SAMD4A: variants seen among roughly 807,000 people sequenced by gnomAD.
The protein encoded by SAMD4A is protein Smaug homolog 1.
SAMD4A carries 33 observed loss-of-function variants against 81.3 expected under a neutral mutation model. The observed-to-expected ratio is 0.41, with a 90% CI of 0.31 to 0.54. The LOEUF is 0.54. Ranked by LOEUF, SAMD4A falls within the 20% of genes least tolerant of loss-of-function variation. The probability of loss-of-function intolerance (pLI) is 0.37; values close to 1 mark genes in which losing one functional copy is unlikely to be tolerated. For synonymous variants in SAMD4A, 389 were observed against 382.1 expected (o/e 1.02, Z -0.21); for missense variants, 854 against 951.1 (o/e 0.90, Z 1.34).
chr14:54,730,333 C>G (rs2037530736), intron 3 of SAMD4A, among the ~76,000 whole-genome samples: 1 of 152,168 alleles, frequency 6.6e-6, no homozygotes, highest in Admixed American at 6.5e-5. Context: ...TTGTGATGTT[C>G]TTTGCAGCTT....
intron 2 of SAMD4A, among the ~76,000 whole-genome samples, chr14:54,656,854 G>A (rs1257296872): frequency 2.0e-5 from 3 of 152,062 alleles, no homozygotes; most frequent in Admixed American, 6.5e-5. Context: ...TGATCCACCC[G>A]CTTTGGCCTC....
chr14:54,734,647 G>A (rs1255037012), intron 3 of SAMD4A, among the ~76,000 whole-genome samples: 2 of 152,136 alleles, frequency 1.3e-5, no homozygotes, highest in Non-Finnish European at 2.9e-5. Context: ...GAAGTCCTTG[G>A]ATAACTGACA....
chr14:54,651,093 G>C (rs1417519439), intron 2 of SAMD4A, among the ~76,000 whole-genome samples: 4 of 152,164 alleles, frequency 2.6e-5, no homozygotes, highest in African/African-American at 9.7e-5. Flanking sequence ...CCTGGTGATA[G>C]TGAGGAACTG....
At chr14:54,652,635 T>C (rs543437352) in intron 2 of SAMD4A, 12 of 152,280 alleles carry the variant, frequency 7.9e-5, no homozygotes, top group African/African-American at 2.6e-4. Flanking sequence ...CTGGATAGCC[T>C]CACCCAGAAT....
chr14:54,588,746 T>G (rs900600586), intron 2 of SAMD4A, among the ~76,000 whole-genome samples: 1 of 152,196 alleles, frequency 6.6e-6, no homozygotes, highest in Non-Finnish European at 1.5e-5. Context: ...CTGTCTCCTT[T>G]TCCATGAGAA....
At chr14:54,619,762 T>G (rs1429958843) in intron 2 of SAMD4A, among the ~76,000 whole-genome samples, 4 of 152,160 alleles carry the variant, frequency 2.6e-5, no homozygotes, top group African/African-American at 9.7e-5. Flanking sequence ...GTTCCTGCTT[T>G]CGTTTGCTAA....
chr14:54,645,972 AAACT>A (rs1438798674), intron 2 of SAMD4A, among the ~76,000 whole-genome samples: 3 of 152,274 alleles, frequency 2.0e-5, no homozygotes, highest in Non-Finnish European at 4.4e-5. Flanking sequence ...AGGCTTTCCT[AAACT>A]AACTGCAATA....
chr14:54,687,175 TG>T (rs2036294765), intron 2 of SAMD4A: 1 of 357,502 alleles, frequency 2.8e-6, no homozygotes, highest in African/African-American at 2.1e-5. Context: ...TGATGACCTT[TG>T]TTTTTTAGAT....
chr14:54,586,967 G>A (rs1404203290), intron 2 of SAMD4A, among the ~76,000 whole-genome samples: 1 of 151,990 alleles, frequency 6.6e-6, no homozygotes, highest in South Asian at 2.1e-4. Context: ...TGTGAAGAAC[G>A]ATGGTGGTAT....
intron 8 of SAMD4A, 75 bp from the exon 9 acceptor site, chr14:54,770,029 C>A: frequency 1.1e-6 from 1 of 913,648 alleles, no homozygotes; most frequent in Non-Finnish European, 1.8e-6. Context: ...CAATGTTTTC[C>A]CCTTATTAAT....
In SAMD4A at chr14:54,581,655, T is replaced by G. The variant is rs544577670; in HGVS notation, c.196+13543T>G. ...GTATTGTGACCTCTGTATCCCTGCC[T>G]GTAAAGATTCCAGTATGAGTGGTCA... On this transcript the variant is annotated intron_variant, in intron 2 of 12. Coordinates refer to ENST00000554335, the MANE Select transcript of SAMD4A (RefSeq NM_015589.6). Among the ~76,000 whole-genome samples, 217 of 152,356 alleles carry G rather than the reference T, an allele frequency of 1.4e-3. 4 individuals carry two copies. In the South Asian group the frequency reaches 0.027, roughly 19 times the overall value.
At chr14:54,737,529 T>C (rs1041089314) in intron 4 of SAMD4A, among the ~76,000 whole-genome samples, 1 of 129,314 alleles carries the variant, frequency 7.7e-6, no homozygotes, top group African/African-American at 2.9e-5. Flanking sequence ...GTCAACCCAC[T>C]CTCTCTCTCT....
At chr14:54,694,491 G>C (rs545031539) in intron 2 of SAMD4A, 1 of 295,090 alleles carries the variant, frequency 3.4e-6, no homozygotes, top group Admixed American at 6.5e-5. Flanking sequence ...GTGAGAGCAA[G>C]AGTTGGGTTG....
At chr14:54,730,822 C>T (rs1293130190) in intron 3 of SAMD4A, among the ~76,000 whole-genome samples, 1 of 152,080 alleles carries the variant, frequency 6.6e-6, no homozygotes, top group Non-Finnish European at 1.5e-5. Context: ...AAAATGTATT[C>T]TTGAAGTACT....
At chr14:54,659,860 C>T (rs1372816380) in intron 2 of SAMD4A, among the ~76,000 whole-genome samples, 2 of 152,108 alleles carry the variant, frequency 1.3e-5, no homozygotes, top group African/African-American at 4.8e-5. Flanking sequence ...TGGCCTATGG[C>T]CTGATGTCCT....
intron 9 of SAMD4A, among the ~76,000 whole-genome samples, chr14:54,771,637 T>A (rs1228882508): frequency 6.6e-6 from 1 of 152,240 alleles, no homozygotes; most frequent in Non-Finnish European, 1.5e-5. Context: ...CCTCCTGCCC[T>A]GGGGCCTACC....
chr14:54,770,171 C>T lies in SAMD4A; in HGVS notation c.1664C>T (p.Ser555Phe), dbSNP rs1244371745. The T allele has an allele frequency of 3.7e-6, 6 of 1,614,016 alleles. No homozygotes were observed. The African/African-American group carries it at 5.3e-5, about 14-fold the overall frequency. The change falls in exon 9 of 13, where the codon TCT becomes TTT. Residue 555 changes from serine to phenylalanine, a missense_variant. By Grantham distance (155) the Ser-to-Phe change is radical (BLOSUM62 -2). Transcript: ENST00000554335. ...CAGCAGGTGCAGAAGCTCTTTCGGTCTTTCCCTCGGAAAACCCTTCTAGAC... is the reference window on the plus strand; with the variant it reads ...CAGCAGGTGCAGAAGCTCTTTCGGTTTTTCCCTCGGAAAACCCTTCTAGAC... ...WKQQVQKLFR[S>F]FPRKTLLDIS...
intron 3 of SAMD4A, among the ~76,000 whole-genome samples, chr14:54,718,464 A>G (rs1462588192): frequency 1.3e-5 from 2 of 152,182 alleles, no homozygotes; most frequent in African/African-American, 2.4e-5. Context: ...CAAGAGCTGT[A>G]CTCTCAAAAT....
intron 2 of SAMD4A, among the ~76,000 whole-genome samples, chr14:54,613,543 C>G (rs11624583): frequency 0.37 from 56,642 of 152,048 alleles, 10,828 homozygotes; most frequent in Middle Eastern, 0.45. Context: ...GGTGCAACCT[C>G]TATTCCAAAA....
Sources: gnomAD v4.1 joint callset for allele counts (sites outside exome capture counted in the v4.1 genomes callset) on GRCh38, gnomAD v4.1.1 for gene constraint, MANE v1.5 for transcripts, NCBI Gene and HGNC (gene_info 2026-07-23, HGNC 2026-07-21) for gene names.